The following KCNAB1 variants were observed in gnomAD, a reference collection of about 807,000 sequenced individuals.
The protein encoded by KCNAB1 is voltage-gated potassium channel subunit beta-1.
In KCNAB1, 35 loss-of-function variants were observed where a neutral mutation model predicts 64.6. The ratio of observed to expected loss-of-function variants is 0.54; its 90% CI spans 0.41 to 0.72. The LOEUF is 0.72. Ranked by LOEUF, KCNAB1 falls within the 30% of genes least tolerant of loss-of-function variation. The pLI, the probability that KCNAB1 is intolerant of heterozygous loss-of-function variation, is 0.00. For synonymous variants in KCNAB1, 177 were observed against 183.8 expected, an observed-to-expected ratio of 0.96 and a Z score of 0.30; for missense variants, 401 against 512.9, an observed-to-expected ratio of 0.78 and a Z score of 2.11.
intron 1 of KCNAB1, among the ~76,000 whole-genome samples, chr3:156,294,976 A>G (rs1473306234): frequency 6.6e-6 from 1 of 152,226 alleles, no homozygotes; most frequent in Non-Finnish European, 1.5e-5. Context: ...ATTCTATATC[A>G]GGAACCTCAC....
chr3:156,344,096 C>T (rs1724320489), intron 1 of KCNAB1, among the ~76,000 whole-genome samples: 1 of 152,140 alleles, frequency 6.6e-6, no homozygotes, highest in Admixed American at 6.5e-5. Context: ...TTCAATGGAG[C>T]CTGCCTTGGC....
intron 1 of KCNAB1, among the ~76,000 whole-genome samples, chr3:156,295,869 A>G (rs951023032): frequency 6.6e-6 from 1 of 152,210 alleles, no homozygotes; most frequent in African/African-American, 2.4e-5. Context: ...GAATATTTCA[A>G]GTCCTCTCTT....
At chr3:156,216,834 G>A (rs910922538) in intron 1 of KCNAB1, 3 of 152,220 alleles carry the variant, frequency 2.0e-5, no homozygotes, top group African/African-American at 7.2e-5. Context: ...CCAGCATGAG[G>A]GTGGTGGAGC....
chr3:156,152,218 T>A (rs921378900), intron 1 of KCNAB1, among the ~76,000 whole-genome samples: 1 of 152,148 alleles, frequency 6.6e-6, no homozygotes, highest in African/African-American at 2.4e-5. Context: ...GCTCAGCACA[T>A]CCCCTGAGGG....
At chr3:156,511,860 C>T (rs1717236079) in intron 8 of KCNAB1, among the ~76,000 whole-genome samples, 1 of 152,184 alleles carries the variant, frequency 6.6e-6, no homozygotes, top group Non-Finnish European at 1.5e-5. Flanking sequence ...ACATGGTTTG[C>T]CCTCTGCCAA....
At chr3:156,371,257 A>G (rs1367833188) in intron 1 of KCNAB1, among the ~76,000 whole-genome samples, 1 of 152,180 alleles carries the variant, frequency 6.6e-6, no homozygotes, top group African/African-American at 2.4e-5. Context: ...CAGTGGGCCT[A>G]GGTTCAAATC....
intron 1 of KCNAB1, among the ~76,000 whole-genome samples, chr3:156,246,701 G>A (rs192900302): frequency 2.0e-4 from 30 of 149,130 alleles, no homozygotes; most frequent in Admixed American, 2.0e-3. Flanking sequence ...ATTACAAAAT[G>A]TATTTAGGTG....
At chr3:156,152,427 G>A (rs1715467904) in intron 1 of KCNAB1, among the ~76,000 whole-genome samples, 1 of 152,210 alleles carries the variant, frequency 6.6e-6, no homozygotes, top group Non-Finnish European at 1.5e-5. Context: ...ATACCAGCTG[G>A]ATTCAGAGTG....
chr3:156,194,752 G>T (rs186707251), intron 1 of KCNAB1, among the ~76,000 whole-genome samples: 2 of 152,194 alleles, frequency 1.3e-5, no homozygotes, highest in South Asian at 2.1e-4. Context: ...TATGCTCTGT[G>T]CATTCATTTT....
intron 1 of KCNAB1, among the ~76,000 whole-genome samples, chr3:156,188,796 C>T (rs542861187): frequency 6.6e-6 from 1 of 152,246 alleles, no homozygotes; most frequent in Non-Finnish European, 1.5e-5. Context: ...TTCTACTATA[C>T]CCTGAGGCCT....
At chr3:156,320,398 G>A (rs1488519081) in intron 1 of KCNAB1, among the ~76,000 whole-genome samples, 1 of 152,218 alleles carries the variant, frequency 6.6e-6, no homozygotes, top group Non-Finnish European at 1.5e-5. Context: ...CAATTGATAT[G>A]AGCTTAAATG....
At chr3:156,284,008 A>G (rs1219921057) in intron 1 of KCNAB1, among the ~76,000 whole-genome samples, 11 of 151,924 alleles carry the variant, frequency 7.2e-5, no homozygotes, top group Non-Finnish European at 1.5e-4. Flanking sequence ...GTTGCTGGTG[A>G]GGAACTGCAT....
At chr3:156,118,787 C>G (rs1165766057), upstream of KCNAB1, among the ~76,000 whole-genome samples, 3 of 152,188 alleles carry the variant, frequency 2.0e-5, no homozygotes, top group Non-Finnish European at 4.4e-5. Context: ...GCAGAGCCCC[C>G]CATTGAAACA....
intron 1 of KCNAB1, among the ~76,000 whole-genome samples, chr3:156,190,811 A>T (rs985039020): frequency 6.6e-6 from 1 of 152,106 alleles, no homozygotes; most frequent in East Asian, 1.9e-4. Flanking sequence ...CTCCTGCCTC[A>T]GTCTCCCAAG....
At chr3:156,286,187 A>G (rs1451473800) in intron 1 of KCNAB1, among the ~76,000 whole-genome samples, 1 of 152,214 alleles carries the variant, frequency 6.6e-6, no homozygotes, top group Non-Finnish European at 1.5e-5. Flanking sequence ...CTGTTATTCA[A>G]AATGCTGTGC....
At chr3:156,281,150 A>T (rs975158603) in intron 1 of KCNAB1, among the ~76,000 whole-genome samples, 2 of 146,916 alleles carry the variant, frequency 1.4e-5, no homozygotes, top group African/African-American at 5.0e-5. Flanking sequence ...TCAATACCTA[A>T]TTTATTGAGA....
chr3:156,238,161 C>T (rs1459604803), intron 1 of KCNAB1, among the ~76,000 whole-genome samples: 5 of 152,222 alleles, frequency 3.3e-5, no homozygotes, highest in East Asian at 1.9e-4. Flanking sequence ...TGGTGGCTCA[C>T]GCCTGTAATC....
chr3:156,454,487 T>G (rs1311637178), intron 3 of KCNAB1, among the ~76,000 whole-genome samples: 1 of 152,196 alleles, frequency 6.6e-6, no homozygotes, highest in African/African-American at 2.4e-5. Context: ...CAGAGAGGGC[T>G]GACAGAGGAA....
At chr3:156,360,206 A>G (rs1396698214) in intron 1 of KCNAB1, among the ~76,000 whole-genome samples, 1 of 152,232 alleles carries the variant, frequency 6.6e-6, no homozygotes, top group Non-Finnish European at 1.5e-5. Flanking sequence ...TAGTCACATC[A>G]TTGCATCGAG....
Sources: gnomAD v4.1 joint callset for allele counts (sites outside exome capture counted in the v4.1 genomes callset) on GRCh38, gnomAD v4.1.1 for gene constraint, MANE v1.5 for transcripts, NCBI Gene and HGNC (gene_info 2026-07-23, HGNC 2026-07-21) for gene names.